The following CCDC149 variants were observed in gnomAD, a reference collection of about 807,000 sequenced individuals.
The protein encoded by CCDC149 is coiled-coil domain containing 149.
CCDC149 carries 45 observed loss-of-function variants against 59.9 expected under a neutral mutation model. The observed-to-expected ratio is 0.75, with a 90% confidence interval of 0.59 to 0.96. CCDC149 has a LOEUF of 0.96. Among genes scored for constraint, CCDC149 ranks in the 40% least tolerant of loss-of-function variants. CCDC149 has a pLI of 0.00. For synonymous variants in CCDC149, 245 were observed against 260.6 expected, an observed-to-expected ratio of 0.94 and a Z score of 0.58; for missense variants, 584 against 664.7, an observed-to-expected ratio of 0.88 and a Z score of 1.33.
chr4:24,933,803 T>C (rs1163744873), intron 1 of CCDC149, among the ~76,000 whole-genome samples: 1 of 152,236 alleles, frequency 6.6e-6, no homozygotes, highest in East Asian at 1.9e-4. Flanking sequence ...TCCCAAAATG[T>C]AATGGCTTTG....
intron 3 of CCDC149, among the ~76,000 whole-genome samples, chr4:24,859,804 T>C (rs983749321): frequency 2.0e-5 from 3 of 152,164 alleles, no homozygotes; most frequent in African/African-American, 7.2e-5. Context: ...ATACCAACAG[T>C]GGTCAAGCTG....
At chr4:24,906,566 T>C (rs1178303343) in intron 1 of CCDC149, among the ~76,000 whole-genome samples, 1 of 151,618 alleles carries the variant, frequency 6.6e-6, no homozygotes, top group Admixed American at 6.6e-5. Context: ...CCCAGCTGAT[T>C]TTTGCATTTT....
Position 24,837,195 on chromosome 4 carries a change from C to T in CCDC149, c.662+33G>A. 6.2e-7 allele frequency: 1 copy of T among 1,602,900 alleles called. No individual in the cohort carries two copies. The highest frequency in any genetic ancestry group is 8.5e-7 in the Non-Finnish European group (1 of 1,171,684). On this transcript the variant is annotated intron_variant, in intron 6 of 12. Transcript: ENST00000635206. The surrounding 1 kb of genome is among the most constrained non-coding windows in gnomAD (Gnocchi z 4.3). ...GCAGGCCTGTGCAGAGCCAGCCTTC[C>T]TCCCACGCACAGGCCTGGGCCTGGC...
At chr4:24,929,512 G>T (rs1722525158) in intron 1 of CCDC149, among the ~76,000 whole-genome samples, 1 of 152,254 alleles carries the variant, frequency 6.6e-6, no homozygotes, top group Non-Finnish European at 1.5e-5. Context: ...GGAGATAGGT[G>T]ATTGAATAGC....
chr4:24,948,957 T>C (rs1369346141), intron 1 of CCDC149, among the ~76,000 whole-genome samples: 1 of 152,220 alleles, frequency 6.6e-6, no homozygotes, highest in African/African-American at 2.4e-5. Flanking sequence ...TCGTTCATCT[T>C]CCGCCATGAT....
chr4:24,978,033 G>A (rs929665983), intron 1 of CCDC149, among the ~76,000 whole-genome samples: 6 of 152,150 alleles, frequency 3.9e-5, no homozygotes, highest in South Asian at 2.1e-4. Context: ...TCAGGAAACC[G>A]AGGCAGAAGG....
At chr4:24,859,172 C>G (rs886107546) in intron 3 of CCDC149, among the ~76,000 whole-genome samples, 1 of 152,080 alleles carries the variant, frequency 6.6e-6, no homozygotes, top group African/African-American at 2.4e-5. Context: ...CATAGCCATT[C>G]TGTTTTTTGG....
intron 8 of CCDC149, among the ~76,000 whole-genome samples, chr4:24,832,132 T>G (rs1716193512): frequency 6.6e-6 from 1 of 152,132 alleles, no homozygotes; most frequent in South Asian, 2.1e-4. Flanking sequence ...GTAAGATAAT[T>G]TAGGAGATTA....
chr4:24,868,061 G>C (rs943990119), intron 3 of CCDC149, among the ~76,000 whole-genome samples: 1 of 152,216 alleles, frequency 6.6e-6, no homozygotes, highest in Admixed American at 6.5e-5. Flanking sequence ...AGCTGGAGAG[G>C]TAAATACTTC....
At position 24,946,716 on chromosome 4, in the gene CCDC149, C is replaced by T. The variant is rs146086616; in HGVS notation, c.-65+33353G>A. ...TGAATATATGACCACTTTATCCTAG[C>T]GTGGGTAGGAGCTTCATCTCTGCCA... On this transcript the variant is annotated intron_variant, in intron 1 of 12. Transcript: ENST00000389609. 3.5e-3 allele frequency among the ~76,000 whole-genome samples: 527 copies of T among 152,218 alleles called. 2 individuals are homozygous for T. Among genetic ancestry groups the T allele is most frequent in the South Asian group, 0.012 (59 of 4,818 alleles).
intron 8 of CCDC149, among the ~76,000 whole-genome samples, chr4:24,833,460 C>G (rs1393984970): frequency 1.3e-5 from 2 of 152,106 alleles, no homozygotes; most frequent in African/African-American, 2.4e-5. Flanking sequence ...CCCGTCTCTA[C>G]TAACAACACA....
At chr4:24,910,551 T>G (rs1159379432) in intron 1 of CCDC149, among the ~76,000 whole-genome samples, 1 of 152,158 alleles carries the variant, frequency 6.6e-6, no homozygotes, top group Admixed American at 6.5e-5. Flanking sequence ...CTGATGCAGG[T>G]GATCTGTAGG....
intron 1 of CCDC149, among the ~76,000 whole-genome samples, chr4:24,908,255 C>T (rs1304211485): frequency 6.6e-6 from 1 of 152,056 alleles, no homozygotes; most frequent in African/African-American, 2.4e-5. Flanking sequence ...GGTTTTTGAT[C>T]TTTTGTACCA....
intron 4 of CCDC149, among the ~76,000 whole-genome samples, chr4:24,846,238 C>G (rs1717277602): frequency 6.6e-6 from 1 of 152,186 alleles, no homozygotes; most frequent in Non-Finnish European, 1.5e-5. Context: ...GCCTATAGTT[C>G]ATAATCAAGA....
intron 8 of CCDC149, among the ~76,000 whole-genome samples, chr4:24,832,457 C>A (rs1299677013): frequency 6.6e-6 from 1 of 152,150 alleles, no homozygotes; most frequent in Non-Finnish European, 1.5e-5. Flanking sequence ...ATCCCATTCA[C>A]GGCCAAGTTC....
At position 24,853,078 on chromosome 4, in the gene CCDC149, G is replaced by A. The variant is rs780530493; in HGVS notation, c.366C>T (p.Asp122=). The change falls in exon 4 of 13, where the codon GAC becomes GAT. Residue 122 remains aspartate, a synonymous_variant. Coordinates refer to ENST00000635206, the MANE Select transcript of CCDC149 (RefSeq NM_001330643.2). ...CTGTAAATACTCACAGTACCTTGTT[G>A]TCGCCCTGGACTTCTCCAAGCCTTT... The A allele has an allele frequency of 5.0e-6, 8 of 1,605,854 alleles. No individual in the cohort carries two copies. The highest frequency in any genetic ancestry group is 1.6e-4 in the Middle Eastern group (1 of 6,072).
chr4:24,828,053 T>G (rs1038154333), intron 9 of CCDC149: 3 of 152,146 alleles, frequency 2.0e-5, no homozygotes, highest in African/African-American at 7.2e-5. Flanking sequence ...TTCTCAGCCC[T>G]CATTCCATTT....
At chr4:24,966,662 A>G (rs992237399) in intron 1 of CCDC149, among the ~76,000 whole-genome samples, 1 of 152,248 alleles carries the variant, frequency 6.6e-6, no homozygotes, top group African/African-American at 2.4e-5. Context: ...AAGCAGTTCA[A>G]TGAAATTCTC....
chr4:24,844,890 G>C (rs1304948574), intron 4 of CCDC149, among the ~76,000 whole-genome samples: 1 of 151,996 alleles, frequency 6.6e-6, no homozygotes, highest in African/African-American at 2.4e-5. Flanking sequence ...CACTATCCTA[G>C]GTGCTGATCC....
Sources: allele counts gnomAD v4.1 joint callset (sites outside exome capture counted in the v4.1 genomes callset), GRCh38; gene constraint gnomAD v4.1.1; non-coding constraint Gnocchi (gnomAD v3.1); transcripts MANE v1.5; gene names NCBI Gene and HGNC (gene_info 2026-07-23, HGNC 2026-07-21).